IBTK: variants seen among roughly 807,000 people sequenced by gnomAD.
IBTK encodes the protein inhibitor of Bruton tyrosine kinase.
IBTK carries 83 observed loss-of-function variants against 154.9 expected under a neutral mutation model. The observed-to-expected ratio is 0.54, with a 90% CI of 0.45 to 0.64. IBTK has a LOEUF of 0.64. IBTK is among the 30% of genes least tolerant of loss of function. The probability of loss-of-function intolerance (pLI) is 0.00; values close to 1 mark genes in which losing one functional copy is unlikely to be tolerated. For synonymous variants in IBTK, 515 were observed against 536.1 expected, an observed-to-expected ratio of 0.96 and a Z score of 0.54; for missense variants, 1,332 against 1,584.6, an observed-to-expected ratio of 0.84 and a Z score of 2.71.
At chr6:82,198,067 C>T (rs1480943633) in intron 21 of IBTK, among the ~76,000 whole-genome samples, 1 of 152,176 alleles carries the variant, frequency 6.6e-6, no homozygotes, top group African/African-American at 2.4e-5. Flanking sequence ...TACTTCAAAT[C>T]ACTTATGTTT....
At chr6:82,201,928 C>T (rs1289510722) in intron 18 of IBTK, among the ~76,000 whole-genome samples, 1 of 151,968 alleles carries the variant, frequency 6.6e-6, no homozygotes, top group Non-Finnish European at 1.5e-5. Flanking sequence ...GTTTCACCAT[C>T]TTGGCCAGGC....
At chr6:82,176,521 CAAAAAA>C (rs749153646) in intron 26 of IBTK, among the ~76,000 whole-genome samples, 1 of 61,486 alleles carries the variant, frequency 1.6e-5, no homozygotes. Context: ...GAGTCCGTCT[CAAAAAA>C]AAAAAAAAAA....
chr6:82,227,821 T>C (rs1478379958), intron 4 of IBTK, among the ~76,000 whole-genome samples: 2 of 151,934 alleles, frequency 1.3e-5, no homozygotes, highest in Admixed American at 1.3e-4. Flanking sequence ...TATCAACATG[T>C]CTTTAATATA....
chr6:82,181,923 A>G lies in IBTK; in HGVS notation c.3681T>C (p.Val1227=). The G allele has an allele frequency of 6.3e-7, 1 of 1,589,248 alleles. No individual in the cohort carries two copies. Among genetic ancestry groups the G allele is most frequent in the Non-Finnish European group, 8.5e-7 (1 of 1,174,594 alleles). ...SHSSGDHVKK[V]SFKGIENSQA... The stretch of plus-strand genomic sequence containing the variant: ...GAGAATTTTCAATTCCTTTAAAAGA[A>G]ACTTTTTTGACATGATCGCCTGAAC... Residue 1227 remains valine (V), a synonymous_variant, in exon 26 of 29, where the codon GTT becomes GTC. Coordinates refer to ENST00000306270, the MANE Select transcript of IBTK (RefSeq NM_015525.4).
At position 82,206,240 on chromosome 6, in the gene IBTK, G is replaced by C. The variant is rs763060374; in HGVS notation, c.2510-1282C>G. Among the ~76,000 whole-genome samples, 67 of 152,238 alleles carry C rather than the reference G, an allele frequency of 4.4e-4. No individual in the cohort carries two copies. The Middle Eastern group carries it at 0.014, about 31-fold the overall frequency. On this transcript the variant is annotated intron_variant, in intron 16 of 28. Coordinates refer to ENST00000306270, the MANE Select transcript of IBTK (RefSeq NM_015525.4). ...CACAGGGAATCACATTGACAGCCTA[G>C]TAGCCACAGGAGACAGAACAGTTGT...
chr6:82,184,751 C>A (rs1457049323), intron 25 of IBTK, among the ~76,000 whole-genome samples: 2 of 152,114 alleles, frequency 1.3e-5, no homozygotes, highest in Non-Finnish European at 2.9e-5. Context: ...ATTTAGAGTG[C>A]TAATTTGTGT....
rs769546093 is a variant in IBTK at position 82,231,717 on chromosome 6, C to A, written c.543+1G>T. ...GTATATAGATTGTACTTCAAAAATACCTGCTTGATATAAATCCCACTCCTG... is the reference window on the plus strand; with the variant it reads ...GTATATAGATTGTACTTCAAAAATAACTGCTTGATATAAATCCCACTCCTG... On this transcript the variant is annotated splice_donor_variant, in intron 4 of 28. Transcript: ENST00000306270. LOFTEE classifies it high-confidence loss of function. The A allele has an allele frequency of 6.3e-7, 1 of 1,593,526 alleles. No individual in the cohort carries two copies. Among genetic ancestry groups the A allele is most frequent in the Non-Finnish European group, 8.5e-7 (1 of 1,172,150 alleles).
At chr6:82,189,551 C>G (rs1011577315) in intron 25 of IBTK, among the ~76,000 whole-genome samples, 6 of 151,966 alleles carry the variant, frequency 3.9e-5, no homozygotes, top group African/African-American at 1.5e-4. Flanking sequence ...AATAGAAAAC[C>G]ACAGGATCAA....
At chr6:82,193,644 A>C (rs1210249103) in intron 23 of IBTK, among the ~76,000 whole-genome samples, 1 of 152,320 alleles carries the variant, frequency 6.6e-6, no homozygotes, top group Non-Finnish European at 1.5e-5. Context: ...ATTTTGAAAG[A>C]ATACTACATT....
intron 3 of IBTK, among the ~76,000 whole-genome samples, chr6:82,233,714 T>G (rs1013029056): frequency 6.8e-6 from 1 of 146,836 alleles, no homozygotes; most frequent in African/African-American, 2.5e-5. Context: ...TTGTAAAGTT[T>G]TTTTTTTTTT....
At chr6:82,189,904 A>C (rs1194968080) in intron 25 of IBTK, among the ~76,000 whole-genome samples, 1 of 152,196 alleles carries the variant, frequency 6.6e-6, no homozygotes, top group Non-Finnish European at 1.5e-5. Context: ...TTGTTTAAAG[A>C]AAGCACAACT....
intron 2 of IBTK, among the ~76,000 whole-genome samples, chr6:82,234,485 T>C (rs545167652): frequency 2.8e-4 from 43 of 151,548 alleles, no homozygotes; most frequent in African/African-American, 1.0e-3. Flanking sequence ...ATTACAGGCA[T>C]CCACCACCAC....
At chr6:82,238,524 G>A (rs1327215940) in intron 2 of IBTK, among the ~76,000 whole-genome samples, 1 of 151,922 alleles carries the variant, frequency 6.6e-6, no homozygotes, top group Admixed American at 6.6e-5. Context: ...AGCAACCGCC[G>A]CCTCCTGGGT....
chr6:82,173,114 G>C (rs1767990336), intron 27 of IBTK: 4 of 287,254 alleles, frequency 1.4e-5, no homozygotes, highest in Non-Finnish European at 2.6e-5. Context: ...CGATTCTCCT[G>C]TCCTAGCTTC....
At position 82,200,201 on chromosome 6, in the gene IBTK, G is replaced by A. The variant is rs376186094; in HGVS notation, c.2965C>T (p.Arg989Cys). ...KTKAKKKPRK[R>C]SDSSGGYNLS... ...TTATAACCTCCAGAACTATCTGAAC[G>A]TTTACGTGGCTTCTTTTTAGCTTTT... is the stretch of plus-strand genomic sequence containing the variant. The change falls in exon 21 of 29, where the codon CGT becomes TGT. Residue 989 changes from arginine (R) to cysteine (C), a missense_variant. Physicochemically the swap from Arg to Cys is radical, Grantham distance 180. Transcript: ENST00000306270. The A allele has an allele frequency of 2.0e-5, 32 of 1,613,556 alleles. No individual in the cohort carries two copies. The highest frequency in any genetic ancestry group is 1.2e-4 in the Admixed American group (7 of 59,966).
chr6:82,228,912 C>T (rs1046194978), intron 4 of IBTK, among the ~76,000 whole-genome samples: 2 of 152,170 alleles, frequency 1.3e-5, no homozygotes, highest in African/African-American at 2.4e-5. Context: ...TGAGCCACTG[C>T]GCCCAGCCTA....
At chr6:82,242,261 C>T (rs1188540736) in intron 1 of IBTK, among the ~76,000 whole-genome samples, 3 of 151,818 alleles carry the variant, frequency 2.0e-5, no homozygotes, top group Non-Finnish European at 4.4e-5. Context: ...CTCAGCTACT[C>T]GAGAGGCTGA....
chr6:82,212,102 C>T (rs1477236000), intron 13 of IBTK, among the ~76,000 whole-genome samples: 1 of 152,070 alleles, frequency 6.6e-6, no homozygotes, highest in African/African-American at 2.4e-5. Flanking sequence ...ACAAGTGATT[C>T]TCCTGCCTCA....
intron 16 of IBTK, chr6:82,210,522 T>C (rs1196420973): frequency 6.4e-6 from 1 of 155,988 alleles, no homozygotes; most frequent in African/African-American, 2.4e-5. Context: ...TCCTATTGCT[T>C]ATTCTAAATT....
Sources: allele counts gnomAD v4.1 joint callset (sites outside exome capture counted in the v4.1 genomes callset), GRCh38; gene constraint gnomAD v4.1.1; transcripts MANE v1.5; gene names NCBI Gene and HGNC (gene_info 2026-07-23, HGNC 2026-07-21).